The following TUSC3 variants were observed in gnomAD, a reference collection of about 807,000 sequenced individuals.
TUSC3 encodes the protein tumor suppressor candidate 3, also known as dolichyl-diphosphooligosaccharide--protein glycosyltransferase subunit TUSC3.
TUSC3 carries 45 observed loss-of-function variants against 44.8 expected under a neutral mutation model. That is an observed-to-expected ratio of 1.00 (90% CI 0.79 to 1.29). The LOEUF is 1.29. TUSC3 is among the 50% of genes most tolerant of loss of function. The pLI, the probability that TUSC3 is intolerant of heterozygous loss-of-function variation, is 0.00. For missense variants in TUSC3, 519 were observed against 437.9 expected (o/e 1.19, Z -1.65); for synonymous variants, 212 against 152.9 (o/e 1.39, Z -2.85).
intron 1 of TUSC3, among the ~76,000 whole-genome samples, chr8:15,455,316 A>G (rs1012165819): frequency 3.3e-5 from 5 of 152,134 alleles, no homozygotes; most frequent in African/African-American, 9.7e-5. Context: ...CCTAACATGT[A>G]GATTGGTTTT....
chr8:15,498,335 A>T (rs1361280710), intron 2 of TUSC3, among the ~76,000 whole-genome samples: 1 of 152,226 alleles, frequency 6.6e-6, no homozygotes, highest in East Asian at 1.9e-4. Context: ...TCAGCGATGT[A>T]GGAAGCAAGT....
chr8:15,525,636 T>G (rs1017879169), intron 2 of TUSC3, among the ~76,000 whole-genome samples: 4 of 152,130 alleles, frequency 2.6e-5, no homozygotes, highest in African/African-American at 9.7e-5. Context: ...CATTTTCCCG[T>G]GACAGGGCTA....
chr8:15,641,421 C>T (rs1806365734), intron 2 of TUSC3, among the ~76,000 whole-genome samples: 2 of 150,090 alleles, frequency 1.3e-5, no homozygotes, highest in Non-Finnish European at 3.0e-5. Context: ...TCACAGAAAT[C>T]CTATATCAAG....
At chr8:15,633,474 G>A (rs1461647608) in intron 2 of TUSC3, among the ~76,000 whole-genome samples, 1 of 152,144 alleles carries the variant, frequency 6.6e-6, no homozygotes, top group Non-Finnish European at 1.5e-5. Flanking sequence ...CCAGACTGTG[G>A]CCTCATTTGG....
At chr8:15,569,389 T>A (rs1013222930) in intron 1 of TUSC3, among the ~76,000 whole-genome samples, 1 of 152,146 alleles carries the variant, frequency 6.6e-6, no homozygotes, top group East Asian at 1.9e-4. Context: ...TCAGAGAGTT[T>A]CCTCGTGAAT....
At chr8:15,430,597 CT>C (rs1799861680) in intron 1 of TUSC3, among the ~76,000 whole-genome samples, 1 of 151,428 alleles carries the variant, frequency 6.6e-6, no homozygotes, top group South Asian at 2.1e-4. Context: ...CTCACCACTC[CT>C]ATTCAACATA....
chr8:15,780,776 C>A, the TUSC3 span, among the ~76,000 whole-genome samples: 2 of 152,146 alleles, frequency 1.3e-5, no homozygotes, highest in East Asian at 3.9e-4. Context: ...CAGCTTTTTA[C>A]AGCTACCACC....
chr8:15,457,897 A>T (rs142900692), intron 1 of TUSC3, among the ~76,000 whole-genome samples: 2 of 149,530 alleles, frequency 1.3e-5, no homozygotes, highest in Non-Finnish European at 3.0e-5. Flanking sequence ...TTAATTAATT[A>T]GATAATTACT....
chr8:15,504,614 TATATA>T (rs1199414954), intron 2 of TUSC3, among the ~76,000 whole-genome samples: 36 of 27,564 alleles, frequency 1.3e-3, no homozygotes, highest in African/African-American at 4.6e-3. Context: ...TATATATATA[TATATA>T]TATTTTTTTT....
chr8:15,646,534 T>C (rs1379640364), intron 2 of TUSC3, among the ~76,000 whole-genome samples: 1 of 152,108 alleles, frequency 6.6e-6, no homozygotes, highest in Non-Finnish European at 1.5e-5. Context: ...TTATCACTTT[T>C]TATTTTTTAA....
intron 9 of TUSC3, among the ~76,000 whole-genome samples, chr8:15,755,768 A>G (rs1318558878): frequency 6.6e-6 from 1 of 152,210 alleles, no homozygotes; most frequent in East Asian, 1.9e-4. Context: ...TTATGTTCAG[A>G]AAGGAAGAAA....
intron 2 of TUSC3, among the ~76,000 whole-genome samples, chr8:15,487,715 G>A (rs961817045): frequency 1.3e-5 from 2 of 152,158 alleles, no homozygotes; most frequent in Non-Finnish European, 2.9e-5. Context: ...ATATGCTAAA[G>A]TATTTATTTG....
intron 2 of TUSC3, among the ~76,000 whole-genome samples, chr8:15,523,808 A>T (rs1388397012): frequency 1.3e-5 from 2 of 150,796 alleles, no homozygotes; most frequent in Non-Finnish European, 2.9e-5. Context: ...CTGTAATCCC[A>T]GCACTTTGAA....
the TUSC3 span, among the ~76,000 whole-genome samples, chr8:15,809,103 T>A: frequency 6.6e-6 from 1 of 152,098 alleles, no homozygotes; most frequent in Non-Finnish European, 1.5e-5. Context: ...ACTATCATGC[T>A]AAAGTACCAT....
intron 1 of TUSC3, among the ~76,000 whole-genome samples, chr8:15,607,186 A>G (rs1804567265): frequency 6.6e-6 from 1 of 151,988 alleles, no homozygotes; most frequent in Admixed American, 6.6e-5. Context: ...ACCAGAAAAG[A>G]GCTGTGTTAA....
At chr8:15,502,800 C>G (rs933684926) in intron 2 of TUSC3, among the ~76,000 whole-genome samples, 1 of 152,154 alleles carries the variant, frequency 6.6e-6, no homozygotes, top group African/African-American at 2.4e-5. Context: ...CCCTTAGATC[C>G]CATATTTTTA....
intron 1 of TUSC3, among the ~76,000 whole-genome samples, chr8:15,457,569 A>G (rs901585615): frequency 1.3e-5 from 2 of 150,944 alleles, no homozygotes; most frequent in Non-Finnish European, 3.0e-5. Flanking sequence ...TTTTCTGCAC[A>G]TACGCTACGA....
intron 6 of TUSC3, among the ~76,000 whole-genome samples, chr8:15,686,646 C>G (rs113257243): frequency 1.1e-4 from 17 of 151,922 alleles, no homozygotes; most frequent in African/African-American, 3.9e-4. Flanking sequence ...ATCATATAGA[C>G]TGATTTAGAT....
At chr8:15,565,932 A>G (rs949237431) in intron 1 of TUSC3, among the ~76,000 whole-genome samples, 2 of 152,138 alleles carry the variant, frequency 1.3e-5, no homozygotes, top group African/African-American at 2.4e-5. Flanking sequence ...TGGTACTACA[A>G]AACTTTCTAT....
Sources: allele counts gnomAD v4.1 joint callset (sites outside exome capture counted in the v4.1 genomes callset), GRCh38; gene constraint gnomAD v4.1.1; transcripts MANE v1.5; gene names NCBI Gene and HGNC (gene_info 2026-07-23, HGNC 2026-07-21).